NUP98: variants seen among roughly 807,000 people sequenced by gnomAD.
The protein encoded by NUP98 is nucleoporin 98 and 96 precursor.
NUP98 carries 26 observed loss-of-function variants against 191.9 expected under a neutral mutation model. That is an observed-to-expected ratio of 0.14 (90% confidence interval 0.10 to 0.19). The LOEUF is 0.19. Among genes scored for constraint, NUP98 ranks in the 10% least tolerant of loss-of-function variants. The pLI, the probability that NUP98 is intolerant of heterozygous loss-of-function variation, is 1.00. For synonymous variants in NUP98, 808 were observed against 778.4 expected, an observed-to-expected ratio of 1.04 and a Z score of -0.63; for missense variants, 1,941 against 2,178.8, an observed-to-expected ratio of 0.89 and a Z score of 2.17.
intron 13 of NUP98, among the ~76,000 whole-genome samples, chr11:3,732,970 C>G (rs2079901608): frequency 1.3e-5 from 2 of 152,212 alleles, no homozygotes; most frequent in African/African-American, 4.8e-5. Context: ...TGTTCCTCTT[C>G]TGAAAACAAA....
chr11:3,705,996 CA>C (rs66628165), intron 21 of NUP98, among the ~76,000 whole-genome samples: 47,883 of 99,540 alleles, frequency 0.48, 9,244 homozygotes, highest in East Asian at 0.59. Flanking sequence ...ACTAAAAATA[CA>C]AAAAAAAAAA....
intron 15 of NUP98, among the ~76,000 whole-genome samples, chr11:3,723,759 T>TA (rs1163070365): frequency 1.4e-5 from 2 of 142,692 alleles, no homozygotes; most frequent in Admixed American, 6.9e-5. Flanking sequence ...ATAATAATAA[T>TA]AAAAAACACT....
In NUP98 at chr11:3,707,738, C is replaced by CAAAAAAAAAAAAAAAAAA. The variant is rs560101220; in HGVS notation, c.2743-1112_2743-1111insTTTTTTTTTTTTTTTTTT. 3.9e-4 allele frequency among the ~76,000 whole-genome samples: 19 copies of CAAAAAAAAAAAAAAAAAA among 48,560 alleles called. 6 individuals carry two copies. The highest frequency in any genetic ancestry group is 2.5e-3 in the East Asian group (2 of 806). 31.9% of individuals were successfully genotyped at this position (48,560 alleles called of 152,430 possible). ...TGGGCAACAGAATGAGACTCTGTCTCAAAAAAAAAAAAAAAATCCTGAAGG... is the reference window on the plus strand; with the variant it reads ...TGGGCAACAGAATGAGACTCTGTCTCAAAAAAAAAAAAAAAAAAAAAAAAAAAAAAAAAATCCTGAAGG... On this transcript the variant is annotated intron_variant, in intron 20 of 32. Coordinates refer to ENST00000324932, the MANE Select transcript of NUP98 (RefSeq NM_016320.5).
chr11:3,776,125 T>G (rs2081717799), intron 4 of NUP98, 104 bp from the exon 5 acceptor site: 1 of 720,368 alleles, frequency 1.4e-6, no homozygotes, highest in Non-Finnish European at 2.2e-6. Flanking sequence ...TACTTCATTT[T>G]TTTTTTTTTT....
Position 3,766,233 on chromosome 11 carries a change from G to A in NUP98, c.948+2348C>T, listed in dbSNP as rs996492276. Reference sequence around the variant, plus strand: ...CTACAAAAACTACAAAAATTAGCTGGACATGGTGGTGCACGCCTGTAGTCC... The same window carrying A: ...CTACAAAAACTACAAAAATTAGCTGAACATGGTGGTGCACGCCTGTAGTCC... On this transcript the variant is annotated intron_variant, in intron 8 of 32. Transcript: ENST00000324932. Among the ~76,000 whole-genome samples the A allele has an allele frequency of 2.6e-5, 4 of 152,048 alleles. No individual in the cohort carries two copies. In the East Asian group the frequency reaches 7.7e-4, roughly 29 times the overall value.
At position 3,735,811 on chromosome 11, in the gene NUP98, A is replaced by T. The variant is rs181029242; in HGVS notation, c.1409-487T>A. Among the ~76,000 whole-genome samples the T allele has an allele frequency of 2.8e-3, 407 of 145,188 alleles. 4 individuals carry two copies. Among genetic ancestry groups the T allele is most frequent in the Non-Finnish European group, 4.0e-3 (265 of 66,596 alleles). On this transcript the variant is annotated intron_variant, in intron 12 of 32. Transcript: ENST00000324932. ...TGTGTAATTGTCTAAAGGAAATAATATGACAGTATACAGGGCAAATACTGT... is the reference window on the plus strand; with the variant it reads ...TGTGTAATTGTCTAAAGGAAATAATTTGACAGTATACAGGGCAAATACTGT...
At chr11:3,687,448 G>A (rs967159538) in intron 28 of NUP98, among the ~76,000 whole-genome samples, 2 of 152,156 alleles carry the variant, frequency 1.3e-5, no homozygotes, top group African/African-American at 4.8e-5. Context: ...GTCCACCTAA[G>A]AAATCTTCTG....
chr11:3,727,692 T>C (rs990850901), intron 14 of NUP98, among the ~76,000 whole-genome samples: 9 of 152,050 alleles, frequency 5.9e-5, no homozygotes, highest in South Asian at 4.1e-4. Flanking sequence ...TGAAACACCA[T>C]CTCTACTATA....
At chr11:3,685,937 A>G in intron 29 of NUP98, 36 bp downstream of exon 29, 2 of 1,513,942 alleles carry the variant, frequency 1.3e-6, no homozygotes, top group Non-Finnish European at 9.2e-7. Context: ...CTGTAGTGCT[A>G]GATGTACCCA....
At chr11:3,771,220 G>A (rs1424540735) in intron 7 of NUP98, among the ~76,000 whole-genome samples, 1 of 152,124 alleles carries the variant, frequency 6.6e-6, no homozygotes, top group Non-Finnish European at 1.5e-5. Context: ...AGCTTTCTAA[G>A]TAATTTGTTT....
In NUP98 at chr11:3,702,529, A is replaced by G. The variant is rs763193948; in HGVS notation, c.3446T>C (p.Leu1149Pro). ...SGEQLNGSHE[L>P]ENHQIADSME... ...GGAATCGGCAATCTGATGATTTTCTAGTTCATGAGAGCCATTCAGCTGTTC... is the reference window on the plus strand; with the variant it reads ...GGAATCGGCAATCTGATGATTTTCTGGTTCATGAGAGCCATTCAGCTGTTC... Residue 1149 changes from leucine to proline, a missense_variant, in exon 23 of 33, where the codon CTA becomes CCA. Around this residue, in one of 6 missense-constraint regions of NUP98, gnomAD observed 1,030 missense variants for 1,115.8 expected, o/e 0.92. Transcript: ENST00000324932. 6.2e-7 allele frequency: 1 copy of G among 1,613,976 alleles called. No individual in the cohort carries two copies. Among genetic ancestry groups the G allele is most frequent in the African/African-American group, 1.3e-5 (1 of 74,896 alleles).
chr11:3,775,964 T>G lies in NUP98; in HGVS notation c.413A>C (p.Asn138Thr). ...GGAGCCAGATGTGCTGCCAAAAGGATTAGAGGTGGTATTTGTGGTTCCAAA... is the reference window on the plus strand; with the variant it reads ...GGAGCCAGATGTGCTGCCAAAAGGAGTAGAGGTGGTATTTGTGGTTCCAAA... ...GLFGTTNTTS[N>T]PFGSTSGSLF... The change falls in exon 5 of 33, where the codon AAT becomes ACT. Residue 138 changes from asparagine (N) to threonine (T), a missense_variant. By Grantham distance (65) the Asn-to-Thr change is moderately conservative. Coordinates refer to ENST00000324932, the MANE Select transcript of NUP98 (RefSeq NM_016320.5). The G allele has an allele frequency of 1.2e-6, 2 of 1,613,360 alleles. No individual in the cohort carries two copies. Among genetic ancestry groups the G allele is most frequent in the Non-Finnish European group, 1.7e-6 (2 of 1,179,406 alleles).
At chr11:3,718,582 AAAG>A (rs2079271683) in intron 18 of NUP98, among the ~76,000 whole-genome samples, 1 of 152,114 alleles carries the variant, frequency 6.6e-6, no homozygotes, top group African/African-American at 2.4e-5. Flanking sequence ...AGGGAAAAGA[AAAG>A]AAGCGGAAGG....
intron 14 of NUP98, among the ~76,000 whole-genome samples, chr11:3,730,886 T>A (rs117231079): frequency 1.5e-3 from 231 of 152,290 alleles, no homozygotes; most frequent in Non-Finnish European, 2.9e-3. Context: ...TTTATCAAAA[T>A]ATTTTTATGC....
chr11:3,681,190 A>G (rs1261681629), intron 30 of NUP98, among the ~76,000 whole-genome samples: 1 of 152,046 alleles, frequency 6.6e-6, no homozygotes, highest in Non-Finnish European at 1.5e-5. Flanking sequence ...ATAGGCACGC[A>G]CCACCATGCT....
intron 8 of NUP98, among the ~76,000 whole-genome samples, chr11:3,767,089 T>C (rs189765300): frequency 1.9e-4 from 29 of 152,212 alleles, no homozygotes; most frequent in African/African-American, 6.7e-4. Context: ...CTCAGCCTCC[T>C]GCGTAGCTTG....
chr11:3,703,877 G>A (rs1393436335), intron 22 of NUP98, among the ~76,000 whole-genome samples: 1 of 151,972 alleles, frequency 6.6e-6, no homozygotes. Context: ...TTATAGGGAT[G>A]GAGTCTTGCT....
chr11:3,787,721 C>T (rs908290537), intron 1 of NUP98, among the ~76,000 whole-genome samples: 3 of 152,100 alleles, frequency 2.0e-5, no homozygotes, highest in Admixed American at 6.6e-5. Context: ...AGGCCGGGCA[C>T]GGTGGCTCAT....
chr11:3,753,807 T>C (rs1158919306), intron 10 of NUP98, among the ~76,000 whole-genome samples: 1 of 104,958 alleles, frequency 9.5e-6, no homozygotes, highest in Admixed American at 1.3e-4. Context: ...GGTATGACGG[T>C]GCGTGCCTGT....
Sources: gnomAD v4.1 joint callset for allele counts (sites outside exome capture counted in the v4.1 genomes callset) on GRCh38, gnomAD v4.1.1 for gene constraint, gnomAD v4.1.1 regional missense constraint, MANE v1.5 for transcripts, NCBI Gene and HGNC (gene_info 2026-07-23, HGNC 2026-07-21) for gene names.